The following WDR76 variants were observed in gnomAD, a reference collection of about 807,000 sequenced individuals.
The protein encoded by WDR76 is WD repeat-containing protein 76.
Under a neutral mutation model 70.2 loss-of-function variants are expected in WDR76, and 52 were observed. The observed-to-expected ratio is 0.74, with a 90% CI of 0.59 to 0.93. The LOEUF is 0.93. Ranked by LOEUF, WDR76 falls within the 40% of genes least tolerant of loss-of-function variation. WDR76 has a pLI of 0.00. For missense variants in WDR76, 756 were observed against 760.2 expected, an observed-to-expected ratio of 0.99 and a Z score of 0.07; for synonymous variants, 292 against 271.1, an observed-to-expected ratio of 1.08 and a Z score of -0.76.
Position 43,858,779 on chromosome 15 carries a change from T to C in WDR76, c.1518T>C (p.Leu506=). 6.2e-7 allele frequency: 1 copy of C among 1,614,204 alleles called. No homozygotes were observed. Among genetic ancestry groups the C allele is most frequent in the Non-Finnish European group, 8.5e-7 (1 of 1,180,024 alleles). Residue 506 remains leucine (L), a synonymous_variant, in exon 11 of 13, where the codon CTT becomes CTC. Coordinates refer to ENST00000263795, the MANE Select transcript of WDR76 (RefSeq NM_024908.4). ...KSIASAYFSP[L]TGNRVVTTCA... ...TTGCTTCCGCCTATTTTTCACCTCTTACTGGTAACAGAGTGGTGACCACAT... is the reference window on the plus strand; with the variant it reads ...TTGCTTCCGCCTATTTTTCACCTCTCACTGGTAACAGAGTGGTGACCACAT...
Position 43,866,620 on chromosome 15 carries a change from G to T in WDR76, c.*228G>T. 2 of 382,918 alleles carry T rather than the reference G, an allele frequency of 5.2e-6. No homozygotes were observed. The highest frequency in any genetic ancestry group is 8.9e-6 in the Non-Finnish European group (2 of 224,832). The allele number at this position is 382,918 out of a possible 1,614,324, so 23.7% of individuals were successfully genotyped here. On this transcript the variant is annotated 3_prime_UTR_variant, in exon 13 of 13. Transcript: ENST00000263795. ...TGAGGGGAGGCTGAGGTGCCGTCAGGACTTTTTTTTTTTTTTTTTTTTTGA... is the reference window on the plus strand; with the variant it reads ...TGAGGGGAGGCTGAGGTGCCGTCAGTACTTTTTTTTTTTTTTTTTTTTTGA...
intron 8 of WDR76, among the ~76,000 whole-genome samples, chr15:43,846,529 C>G (rs1046358858): frequency 6.7e-6 from 1 of 149,146 alleles, no homozygotes; most frequent in Non-Finnish European, 1.5e-5. Context: ...AGCACTCCAC[C>G]TGCTTCAGCC....
intron 11 of WDR76, among the ~76,000 whole-genome samples, chr15:43,859,437 A>C (rs1484414826): frequency 6.6e-6 from 1 of 152,200 alleles, no homozygotes; most frequent in Non-Finnish European, 1.5e-5. Flanking sequence ...AGAATCCCTG[A>C]TTTTGCTTAA....
At chr15:43,842,947 A>C (rs888183178) in intron 7 of WDR76, among the ~76,000 whole-genome samples, 1 of 151,880 alleles carries the variant, frequency 6.6e-6, no homozygotes. Context: ...AAATGAGTGA[A>C]TCCACATACA....
intron 3 of WDR76, 75 bp downstream of exon 3, chr15:43,835,225 G>C (rs1180498442): frequency 2.5e-5 from 35 of 1,396,758 alleles, no homozygotes; most frequent in Non-Finnish European, 3.0e-5. Flanking sequence ...CTGTCACTTG[G>C]GGAGGCTGAC....
At chr15:43,829,303 A>G (rs1033189680) in intron 2 of WDR76, among the ~76,000 whole-genome samples, 4 of 152,144 alleles carry the variant, frequency 2.6e-5, no homozygotes, top group African/African-American at 9.7e-5. Flanking sequence ...AGCACATGAC[A>G]CAATGTTGAT....
chr15:43,863,968 A>T (rs1037968703), intron 12 of WDR76: 1 of 152,230 alleles, frequency 6.6e-6, no homozygotes, highest in South Asian at 2.1e-4. Context: ...CTGACTGTGA[A>T]CAATCAATTA....
At position 43,834,249 on chromosome 15, in the gene WDR76, TACTC is replaced by T. The variant is rs370800385; in HGVS notation, c.463-807_463-804del. The stretch of plus-strand genomic sequence containing the variant: ...TTAGGAGAAAGTAGAGACATGTACT[TACTC>T]ACTCTACTGCGTTTAAGGGAAGTTT... On this transcript the variant is annotated intron_variant, in intron 2 of 12. Coordinates refer to ENST00000263795, the MANE Select transcript of WDR76 (RefSeq NM_024908.4). 4.4e-3 allele frequency among the ~76,000 whole-genome samples: 676 copies of T among 152,086 alleles called. 3 individuals are homozygous for T. Among genetic ancestry groups the T allele is most frequent in the African/African-American group, 0.013 (522 of 41,518 alleles).
chr15:43,856,710 A>G (rs576131348), intron 9 of WDR76, among the ~76,000 whole-genome samples: 1 of 152,176 alleles, frequency 6.6e-6, no homozygotes, highest in East Asian at 1.9e-4. Flanking sequence ...TAAAATAGCC[A>G]GAAGAGAGGA....
chr15:43,843,836 C>A, intron 7 of WDR76, 65 bp from the exon 8 acceptor site: 1 of 1,362,670 alleles, frequency 7.3e-7, no homozygotes, highest in Non-Finnish European at 9.7e-7. Context: ...TTTGAATAAT[C>A]TTTTACTTAT....
chr15:43,864,745 C>A (rs1488225079), intron 12 of WDR76, among the ~76,000 whole-genome samples: 4 of 151,656 alleles, frequency 2.6e-5, no homozygotes, highest in Non-Finnish European at 5.9e-5. Flanking sequence ...AGGCATGAGC[C>A]ACAATGCCTG....
Position 43,867,124 on chromosome 15 carries a change from A to G in WDR76, c.*732A>G, listed in dbSNP as rs2088083777. ...GGGACCCGGAAAGGTAATGTAACTC[A>G]GTGATTTTAAAACTTGATTTTTTTA... On this transcript the variant is annotated 3_prime_UTR_variant, in exon 13 of 13. Transcript: ENST00000263795. 6.6e-6 allele frequency: 1 copy of G among 152,204 alleles called. No individual in the cohort carries two copies. The highest frequency in any genetic ancestry group is 2.4e-5 in the African/African-American group (1 of 41,458). The allele number at this position is 152,204 out of a possible 1,614,324, so 9.4% of individuals were successfully genotyped here.
At chr15:43,853,172 A>G (rs551017549) in intron 9 of WDR76, among the ~76,000 whole-genome samples, 1 of 151,994 alleles carries the variant, frequency 6.6e-6, no homozygotes, top group Non-Finnish European at 1.5e-5. Context: ...TACAGGTGTG[A>G]GCCACCACGC....
chr15:43,854,742 A>T (rs1401019747), intron 9 of WDR76, among the ~76,000 whole-genome samples: 1 of 151,954 alleles, frequency 6.6e-6, no homozygotes, highest in Non-Finnish European at 1.5e-5. Flanking sequence ...TGAGGTGAGG[A>T]GTTCGAGACC....
At chr15:43,856,009 A>AT (rs1347103290) in intron 9 of WDR76, among the ~76,000 whole-genome samples, 6 of 152,254 alleles carry the variant, frequency 3.9e-5, no homozygotes, top group East Asian at 3.9e-4. Context: ...ATAGTTATAC[A>AT]TTTTTTTCTC....
intron 2 of WDR76, among the ~76,000 whole-genome samples, chr15:43,830,125 C>A (rs1441918650): frequency 2.0e-5 from 3 of 151,692 alleles, no homozygotes; most frequent in Non-Finnish European, 4.4e-5. Context: ...CCTCAGACTC[C>A]CAAAGTGCTA....
At chr15:43,852,884 C>T (rs983521754) in intron 9 of WDR76, among the ~76,000 whole-genome samples, 1 of 151,984 alleles carries the variant, frequency 6.6e-6, no homozygotes, top group Non-Finnish European at 1.5e-5. Context: ...TGTTTCTATT[C>T]TTTCTTTATA....
intron 7 of WDR76, among the ~76,000 whole-genome samples, chr15:43,843,621 T>A (rs2087752397): frequency 6.6e-6 from 1 of 152,198 alleles, no homozygotes; most frequent in Non-Finnish European, 1.5e-5. Flanking sequence ...GGTCTTTTTT[T>A]TTCTTCTGAA....
At position 43,851,099 on chromosome 15, in the gene WDR76, AAAG is replaced by A. The variant is rs1567189260; in HGVS notation, c.1050_1052del (p.Glu350del). ...AACTCTCTTCCAGACCCAGCAACCT[AAAG>A]AAGATGGAGTTTATGTTTTTCATCC... is the stretch of plus-strand genomic sequence containing the variant. On this transcript the variant is annotated inframe_deletion, in exon 9 of 13. Transcript: ENST00000263795. 6.2e-7 allele frequency: 1 copy of A among 1,614,046 alleles called. No homozygotes were observed. Among genetic ancestry groups the A allele is most frequent in the South Asian group, 1.1e-5 (1 of 91,058 alleles).
Sources: allele counts gnomAD v4.1 joint callset (sites outside exome capture counted in the v4.1 genomes callset), GRCh38; gene constraint gnomAD v4.1.1; transcripts MANE v1.5; gene names NCBI Gene and HGNC (gene_info 2026-07-23, HGNC 2026-07-21).